Variants in HS3ST4 observed in about 807,000 individuals in gnomAD.
HS3ST4 encodes heparan sulfate glucosamine 3-O-sulfotransferase 4.
Under a neutral mutation model 29.2 loss-of-function variants are expected in HS3ST4, and 17 were observed. The ratio of observed to expected loss-of-function variants is 0.58; its 90% confidence interval spans 0.40 to 0.87. The LOEUF (loss-of-function observed/expected upper bound fraction) is 0.87. HS3ST4 is among the 40% of genes least tolerant of loss of function. The probability of loss-of-function intolerance (pLI) is 0.00; values close to 1 mark genes in which losing one functional copy is unlikely to be tolerated. For missense variants in HS3ST4, 627 were observed against 634.5 expected, an observed-to-expected ratio of 0.99 and a Z score of 0.13; for synonymous variants, 314 against 285.7, an observed-to-expected ratio of 1.10 and a Z score of -1.00.
intron 1 of HS3ST4, among the ~76,000 whole-genome samples, chr16:26,081,786 CTTT>C (rs56169806): frequency 0.029 from 2,473 of 84,730 alleles, 35 homozygotes; most frequent in African/African-American, 0.092. Flanking sequence ...GGAGTACATT[CTTT>C]TTTTTTTTTT....
intron 1 of HS3ST4, among the ~76,000 whole-genome samples, chr16:26,093,874 T>C (rs1458804416): frequency 1.3e-5 from 2 of 152,146 alleles, no homozygotes; most frequent in Non-Finnish European, 2.9e-5. Flanking sequence ...GAAAAAAGGT[T>C]AGATGAATGG....
At chr16:26,032,826 C>T (rs1417189772) in intron 1 of HS3ST4, 85 of 1,573,108 alleles carry the variant, frequency 5.4e-5, no homozygotes, top group Non-Finnish European at 6.7e-5. Flanking sequence ...GTGGCGGCGA[C>T]GGCAGCAGGA....
At chr16:25,756,234 C>A (rs1429964249) in intron 1 of HS3ST4, among the ~76,000 whole-genome samples, 1 of 151,642 alleles carries the variant, frequency 6.6e-6, no homozygotes, top group Non-Finnish European at 1.5e-5. Flanking sequence ...GAGTCTGTGA[C>A]CATTACTGCA....
chr16:25,703,102 T>C (rs1462895237), intron 1 of HS3ST4, among the ~76,000 whole-genome samples: 1 of 151,990 alleles, frequency 6.6e-6, no homozygotes, highest in Non-Finnish European at 1.5e-5. Context: ...GAGGTTGCAT[T>C]GAGCCGAGAT....
intron 1 of HS3ST4, among the ~76,000 whole-genome samples, chr16:26,105,676 C>G (rs77969649): frequency 7.2e-5 from 11 of 152,226 alleles, no homozygotes; most frequent in Middle Eastern, 3.2e-3. Flanking sequence ...TTTCCAGTCA[C>G]GCTAACCTCT....
chr16:26,073,088 G>A (rs763142196), intron 1 of HS3ST4, among the ~76,000 whole-genome samples: 1 of 152,182 alleles, frequency 6.6e-6, no homozygotes, highest in Non-Finnish European at 1.5e-5. Flanking sequence ...ATAGTAAACA[G>A]CATTACCATT....
chr16:26,106,516 A>G (rs553424039), intron 1 of HS3ST4, among the ~76,000 whole-genome samples: 1 of 152,356 alleles, frequency 6.6e-6, no homozygotes, highest in African/African-American at 2.4e-5. Flanking sequence ...GACACTGTAG[A>G]GTATGAGGTT....
intron 1 of HS3ST4, among the ~76,000 whole-genome samples, chr16:25,920,888 G>A (rs890992640): frequency 6.6e-6 from 1 of 152,030 alleles, no homozygotes; most frequent in African/African-American, 2.4e-5. Context: ...AAAATGCTGG[G>A]ATTACAGGTG....
chr16:25,717,371 C>A (rs1391674084), intron 1 of HS3ST4, among the ~76,000 whole-genome samples: 1 of 151,662 alleles, frequency 6.6e-6, no homozygotes, highest in Non-Finnish European at 1.5e-5. Flanking sequence ...GGAACAATAC[C>A]CAGTACTGTA....
At chr16:25,963,433 C>T (rs761742074) in intron 1 of HS3ST4, among the ~76,000 whole-genome samples, 7 of 152,138 alleles carry the variant, frequency 4.6e-5, no homozygotes, top group Non-Finnish European at 7.3e-5. Flanking sequence ...CTGTATGGCT[C>T]TAGAATATTG....
chr16:26,134,393 C>T (rs1898253413), intron 1 of HS3ST4, among the ~76,000 whole-genome samples: 1 of 128,360 alleles, frequency 7.8e-6, no homozygotes, highest in Non-Finnish European at 1.6e-5. Context: ...GATGGAGTCT[C>T]ACTCTGTCAC....
chr16:26,056,602 C>A (rs1183481227), intron 1 of HS3ST4, among the ~76,000 whole-genome samples: 1 of 152,212 alleles, frequency 6.6e-6, no homozygotes, highest in Admixed American at 6.5e-5. Flanking sequence ...CTGACCTTTA[C>A]CTAATGTGTG....
chr16:25,698,884 AAG>A (rs796784192), intron 1 of HS3ST4, among the ~76,000 whole-genome samples: 5 of 152,298 alleles, frequency 3.3e-5, no homozygotes, highest in African/African-American at 1.2e-4. Context: ...AGGTGGAGAG[AAG>A]CTAAAGTGCC....
chr16:25,863,994 G>A (rs1967664711), intron 1 of HS3ST4, among the ~76,000 whole-genome samples: 1 of 151,524 alleles, frequency 6.6e-6, no homozygotes, highest in Admixed American at 6.6e-5. Flanking sequence ...GGTGCAGAGA[G>A]CCACCTTCCT....
At chr16:26,096,708 C>T (rs1898930798) in intron 1 of HS3ST4, among the ~76,000 whole-genome samples, 1 of 152,190 alleles carries the variant, frequency 6.6e-6, no homozygotes, top group Admixed American at 6.5e-5. Flanking sequence ...CCCTCTCTCA[C>T]CACTCCTATT....
At chr16:25,759,387 T>A (rs1966775895) in intron 1 of HS3ST4, among the ~76,000 whole-genome samples, 1 of 152,206 alleles carries the variant, frequency 6.6e-6, no homozygotes, top group African/African-American at 2.4e-5. Flanking sequence ...GATGCTAAGA[T>A]GAGCAAAAGA....
intron 1 of HS3ST4, among the ~76,000 whole-genome samples, chr16:25,956,965 T>C (rs923389303): frequency 2.4e-5 from 3 of 126,430 alleles, no homozygotes; most frequent in African/African-American, 9.3e-5. Context: ...GCCACTGCAC[T>C]CCAGCCTGGG....
chr16:25,826,647 A>G (rs1236816910), intron 1 of HS3ST4, among the ~76,000 whole-genome samples: 2 of 152,182 alleles, frequency 1.3e-5, no homozygotes, highest in Non-Finnish European at 2.9e-5. Flanking sequence ...CTAGGGCACT[A>G]TAAAAAAAAG....
At chr16:26,093,009 A>G (rs9928789) in intron 1 of HS3ST4, among the ~76,000 whole-genome samples, 82,145 of 152,038 alleles carry the variant, frequency 0.54, 22,935 homozygotes, top group African/African-American at 0.67. Flanking sequence ...TCTGAGATCA[A>G]ACTGTGAGGC....
Sources: gnomAD v4.1 joint callset for allele counts (sites outside exome capture counted in the v4.1 genomes callset) on GRCh38, gnomAD v4.1.1 for gene constraint, MANE v1.5 for transcripts, NCBI Gene and HGNC (gene_info 2026-07-23, HGNC 2026-07-21) for gene names.